The following IMMP2L variants were observed in gnomAD, a reference collection of about 807,000 sequenced individuals.
IMMP2L encodes the protein mitochondrial inner membrane protease subunit 2.
A neutral mutation model predicts 19.3 loss-of-function variants in IMMP2L; 18 were observed. That is an observed-to-expected ratio of 0.93 (90% CI 0.64 to 1.38). IMMP2L has a LOEUF of 1.38. IMMP2L is among the 40% of genes most tolerant of loss of function. IMMP2L has a pLI of 0.00. For synonymous variants in IMMP2L, 76 were observed against 73.0 expected, an observed-to-expected ratio of 1.04 and a Z score of -0.21; for missense variants, 233 against 218.2, an observed-to-expected ratio of 1.07 and a Z score of -0.43.
intron 4 of IMMP2L, among the ~76,000 whole-genome samples, chr7:110,936,080 T>G (rs1312823570): frequency 1.3e-5 from 2 of 152,106 alleles, no homozygotes; most frequent in East Asian, 3.9e-4. Context: ...ACGTAAGACC[T>G]AAAACCATAA....
chr7:111,140,666 G>A (rs1483772518), intron 3 of IMMP2L, among the ~76,000 whole-genome samples: 1 of 152,142 alleles, frequency 6.6e-6, no homozygotes, highest in African/African-American at 2.4e-5. Flanking sequence ...GGAAATATCT[G>A]AACTTCTCAC....
At chr7:111,383,431 A>T (rs1831396551) in intron 3 of IMMP2L, among the ~76,000 whole-genome samples, 1 of 152,068 alleles carries the variant, frequency 6.6e-6, no homozygotes, top group Non-Finnish European at 1.5e-5. Context: ...GCCCATCCTC[A>T]TCTCTACTCT....
intron 3 of IMMP2L, among the ~76,000 whole-genome samples, chr7:111,441,615 G>C (rs1476036205): frequency 6.6e-6 from 1 of 150,688 alleles, no homozygotes; most frequent in Non-Finnish European, 1.5e-5. Flanking sequence ...GAAATATTGT[G>C]AAAATTACCA....
intron 3 of IMMP2L, among the ~76,000 whole-genome samples, chr7:111,433,064 G>C (rs1836797590): frequency 1.3e-5 from 2 of 151,688 alleles, no homozygotes; most frequent in Admixed American, 1.3e-4. Flanking sequence ...CTGACACTGG[G>C]TAATTTATAA....
At chr7:111,242,809 T>C (rs758629497) in intron 3 of IMMP2L, among the ~76,000 whole-genome samples, 1 of 151,960 alleles carries the variant, frequency 6.6e-6, no homozygotes, top group Non-Finnish European at 1.5e-5. Flanking sequence ...CAACAGAGAA[T>C]TTGTCTATAA....
At chr7:110,876,078 T>G (rs75762285) in intron 5 of IMMP2L, among the ~76,000 whole-genome samples, 1 of 152,298 alleles carries the variant, frequency 6.6e-6, no homozygotes, top group East Asian at 1.9e-4. Flanking sequence ...AAACATTTAT[T>G]TACAACTTCC....
intron 5 of IMMP2L, among the ~76,000 whole-genome samples, chr7:110,865,009 C>A (rs1007129760): frequency 6.6e-6 from 1 of 150,524 alleles, no homozygotes; most frequent in African/African-American, 2.5e-5. Context: ...CACTGTCATG[C>A]TAGCTACCTG....
intron 5 of IMMP2L, among the ~76,000 whole-genome samples, chr7:110,793,551 A>C (rs1037665517): frequency 6.6e-6 from 1 of 152,164 alleles, no homozygotes; most frequent in African/African-American, 2.4e-5. Flanking sequence ...TTGAACTAAA[A>C]GAAATCAACA....
At chr7:110,730,286 A>G (rs1796176096) in intron 5 of IMMP2L, among the ~76,000 whole-genome samples, 2 of 152,112 alleles carry the variant, frequency 1.3e-5, no homozygotes, top group African/African-American at 4.8e-5. Context: ...GGCTAGAATA[A>G]AGCAGGCAGA....
intron 3 of IMMP2L, among the ~76,000 whole-genome samples, chr7:111,300,872 G>C (rs1266397514): frequency 2.0e-5 from 3 of 152,052 alleles, no homozygotes; most frequent in Non-Finnish European, 4.4e-5. Flanking sequence ...TTGCCAGTTT[G>C]GGCCCACCAA....
At chr7:110,806,906 T>G (rs544911579) in intron 5 of IMMP2L, among the ~76,000 whole-genome samples, 1 of 151,976 alleles carries the variant, frequency 6.6e-6, no homozygotes, top group Middle Eastern at 3.2e-3. Context: ...TAGGATGAAA[T>G]AGCCAAATGA....
chr7:110,904,556 T>G (rs772191794), intron 4 of IMMP2L, among the ~76,000 whole-genome samples: 1 of 152,206 alleles, frequency 6.6e-6, no homozygotes, highest in Non-Finnish European at 1.5e-5. Flanking sequence ...ATCAGTTATA[T>G]GCATGGATTT....
chr7:111,127,168 A>C (rs1303188647), intron 3 of IMMP2L, among the ~76,000 whole-genome samples: 2 of 152,222 alleles, frequency 1.3e-5, no homozygotes. Context: ...ACAGAGGCTG[A>C]CGTTAGAATT....
In IMMP2L at chr7:111,479,253, G is replaced by A. The variant is rs922863286; in HGVS notation, c.239+7985C>T. Among the ~76,000 whole-genome samples, 10 of 152,188 alleles carry A rather than the reference G, an allele frequency of 6.6e-5. No homozygotes were observed. The South Asian group carries it at 2.1e-3, about 32-fold the overall frequency. ...GGTGAAAAATGACACCAAATACAGGGCTCACTTCAGTGTGTTTCCTTTCAT... is the reference window on the plus strand; with the variant it reads ...GGTGAAAAATGACACCAAATACAGGACTCACTTCAGTGTGTTTCCTTTCAT... On this transcript the variant is annotated intron_variant, in intron 3 of 5. Transcript: ENST00000405709.
intron 5 of IMMP2L, among the ~76,000 whole-genome samples, chr7:110,806,216 C>T (rs542527771): frequency 1.2e-4 from 18 of 152,044 alleles, no homozygotes; most frequent in South Asian, 4.2e-4. Flanking sequence ...CAAATGTCAG[C>T]GGAAGTCCAA....
intron 1 of IMMP2L, among the ~76,000 whole-genome samples, chr7:111,559,982 T>A (rs1791834947): frequency 6.6e-6 from 1 of 151,614 alleles, no homozygotes; most frequent in African/African-American, 2.4e-5. Flanking sequence ...GAAAGAAATT[T>A]ACAATTTTAT....
At chr7:110,950,761 T>A (rs1393604004) in intron 4 of IMMP2L, among the ~76,000 whole-genome samples, 1 of 149,598 alleles carries the variant, frequency 6.7e-6, no homozygotes, top group Non-Finnish European at 1.5e-5. Context: ...GCTCTGTTCC[T>A]TACAAAGCTG....
chr7:110,745,037 C>T (rs963110653), intron 5 of IMMP2L, among the ~76,000 whole-genome samples: 5 of 152,046 alleles, frequency 3.3e-5, no homozygotes, highest in African/African-American at 9.7e-5. Context: ...ACTAGAATAA[C>T]CAGTTGAGTG....
At chr7:111,357,886 C>T (rs1828873947) in intron 3 of IMMP2L, among the ~76,000 whole-genome samples, 1 of 151,852 alleles carries the variant, frequency 6.6e-6, no homozygotes, top group Admixed American at 6.6e-5. Context: ...AACCCAAGGG[C>T]ACTAGCCAGC....
Sources: gnomAD v4.1 joint callset for allele counts (sites outside exome capture counted in the v4.1 genomes callset) on GRCh38, gnomAD v4.1.1 for gene constraint, MANE v1.5 for transcripts, NCBI Gene and HGNC (gene_info 2026-07-23, HGNC 2026-07-21) for gene names.